Variants in SNX29 observed in about 807,000 individuals in gnomAD.
The protein encoded by SNX29 is sorting nexin 29.
In SNX29, 78 loss-of-function variants were observed where a neutral mutation model predicts 102.1. The observed-to-expected ratio is 0.76, with a 90% confidence interval of 0.64 to 0.92. The LOEUF (loss-of-function observed/expected upper bound fraction) is 0.92. Ranked by LOEUF, SNX29 falls within the 40% of genes least tolerant of loss-of-function variation. The pLI is 0.00. For synonymous variants in SNX29, 580 were observed against 414.5 expected, an observed-to-expected ratio of 1.40 and a Z score of -4.85; for missense variants, 1,280 against 1,061.7, an observed-to-expected ratio of 1.21 and a Z score of -2.86.
chr16:12,187,028 G>A lies in SNX29; in HGVS notation c.1596-12573G>A, dbSNP rs146464672. On this transcript the variant is annotated intron_variant, in intron 13 of 20. Coordinates refer to ENST00000566228, the MANE Select transcript of SNX29 (RefSeq NM_032167.5). ...TGTTTGAAAAATGAGTCAATCACTG[G>A]TTAAAGACCTGATGGGTCCCGGAGG... Among the ~76,000 whole-genome samples the A allele has an allele frequency of 9.9e-3, 1,514 of 152,326 alleles. 78 individuals are homozygous for A. Among genetic ancestry groups the A allele is most frequent in the Admixed American group, 0.087 (1,337 of 15,300 alleles).
chr16:12,043,309 G>T (rs1414242219), intron 5 of SNX29, among the ~76,000 whole-genome samples: 2 of 152,158 alleles, frequency 1.3e-5, no homozygotes, highest in Non-Finnish European at 2.9e-5. Context: ...GCTTGGATGT[G>T]GAGAGAGCTG....
chr16:12,127,561 A>C (rs2054272722), intron 12 of SNX29, among the ~76,000 whole-genome samples: 1 of 151,904 alleles, frequency 6.6e-6, no homozygotes, highest in Non-Finnish European at 1.5e-5. Flanking sequence ...GGCTGAGACT[A>C]CAGGCGCATG....
At chr16:12,534,046 C>T (rs1005500971) in intron 20 of SNX29, among the ~76,000 whole-genome samples, 5 of 152,220 alleles carry the variant, frequency 3.3e-5, no homozygotes, top group African/African-American at 1.2e-4. Context: ...GTCTGTTTAA[C>T]ATGTGAAGCA....
chr16:12,491,280 G>T (rs1011347311), intron 19 of SNX29, among the ~76,000 whole-genome samples: 2 of 152,226 alleles, frequency 1.3e-5, no homozygotes, highest in African/African-American at 4.8e-5. Context: ...TCTAGGTTGT[G>T]TGCCCATGAA....
chr16:12,554,514 G>A (rs535328782), intron 20 of SNX29, among the ~76,000 whole-genome samples: 2 of 152,314 alleles, frequency 1.3e-5, no homozygotes, highest in African/African-American at 2.4e-5. Flanking sequence ...GCAGCAGGAT[G>A]CTGCATTGAA....
chr16:12,524,960 G>T, intron 20 of SNX29, 119 bp downstream of exon 20: 1 of 1,428,866 alleles, frequency 7.0e-7, no homozygotes, highest in Non-Finnish European at 9.5e-7. Flanking sequence ...ATGGGACCCA[G>T]GCGAACTCCA....
At chr16:12,527,136 C>T (rs1175874764) in intron 20 of SNX29, 1 of 504,716 alleles carries the variant, frequency 2.0e-6, no homozygotes, top group South Asian at 1.6e-5. Context: ...GTTCCAAATC[C>T]CACAGCCCCC....
At chr16:12,091,638 A>G (rs932791958) in intron 11 of SNX29, among the ~76,000 whole-genome samples, 1 of 152,032 alleles carries the variant, frequency 6.6e-6, no homozygotes, top group Non-Finnish European at 1.5e-5. Context: ...CACAAAAATT[A>G]GACTTGGTGG....
chr16:12,291,903 G>C (rs1567404826), intron 15 of SNX29, among the ~76,000 whole-genome samples: 1 of 152,246 alleles, frequency 6.6e-6, no homozygotes, highest in Non-Finnish European at 1.5e-5. Context: ...GTGAGAGCCA[G>C]ATCAGTGGAT....
chr16:12,422,334 C>G (rs1374346693), intron 18 of SNX29, among the ~76,000 whole-genome samples: 2 of 152,194 alleles, frequency 1.3e-5, no homozygotes, highest in Non-Finnish European at 1.5e-5. Context: ...ATGAAAGGCT[C>G]AGTAAATAGC....
At chr16:12,317,690 C>T (rs911829148) in intron 15 of SNX29, among the ~76,000 whole-genome samples, 2 of 152,140 alleles carry the variant, frequency 1.3e-5, no homozygotes, top group East Asian at 1.9e-4. Context: ...TCTTATGCAC[C>T]GTCTTGTGCC....
At chr16:12,560,200 G>A (rs992323914) in intron 20 of SNX29, among the ~76,000 whole-genome samples, 6 of 135,206 alleles carry the variant, frequency 4.4e-5, no homozygotes, top group Admixed American at 3.6e-4. Context: ...ACTTGTGCTT[G>A]TAGAAGAGCA....
intron 16 of SNX29, among the ~76,000 whole-genome samples, chr16:12,379,274 C>A (rs1430499671): frequency 2.0e-5 from 3 of 152,200 alleles, no homozygotes; most frequent in African/African-American, 7.2e-5. Flanking sequence ...ATAGCTGTGA[C>A]CATGCCTGGC....
intron 17 of SNX29, among the ~76,000 whole-genome samples, chr16:12,400,519 C>T (rs1467625949): frequency 6.6e-6 from 1 of 152,186 alleles, no homozygotes; most frequent in African/African-American, 2.4e-5. Flanking sequence ...CTGCCTGAAG[C>T]ACCTTTCTCA....
intron 20 of SNX29, among the ~76,000 whole-genome samples, chr16:12,540,320 C>T (rs892364395): frequency 6.6e-6 from 1 of 152,138 alleles, no homozygotes; most frequent in Non-Finnish European, 1.5e-5. Context: ...CTCTTGGGAC[C>T]ACAGCTCTTA....
intron 14 of SNX29, among the ~76,000 whole-genome samples, chr16:12,273,961 C>G (rs570000297): frequency 2.0e-5 from 3 of 152,214 alleles, no homozygotes; most frequent in East Asian, 3.8e-4. Flanking sequence ...CATGGCTAGA[C>G]CGCATCTTGT....
At chr16:12,274,823 C>T (rs1455554968) in intron 14 of SNX29, among the ~76,000 whole-genome samples, 1 of 152,130 alleles carries the variant, frequency 6.6e-6, no homozygotes, top group Non-Finnish European at 1.5e-5. Flanking sequence ...AGTCCCTGTT[C>T]TATTTCTGCT....
intron 19 of SNX29, among the ~76,000 whole-genome samples, chr16:12,517,413 C>G (rs932642642): frequency 2.6e-5 from 4 of 152,222 alleles, no homozygotes; most frequent in Admixed American, 2.6e-4. Flanking sequence ...TCTTCACTCA[C>G]TTGCTCCCTG....
intron 15 of SNX29, among the ~76,000 whole-genome samples, chr16:12,322,745 ACT>A (rs2080980737): frequency 6.6e-6 from 1 of 150,760 alleles, no homozygotes; most frequent in African/African-American, 2.4e-5. Context: ...GGATGCAGTC[ACT>A]GGAGTTACTG....
Sources: allele counts gnomAD v4.1 joint callset (sites outside exome capture counted in the v4.1 genomes callset), GRCh38; gene constraint gnomAD v4.1.1; transcripts MANE v1.5; gene names NCBI Gene and HGNC (gene_info 2026-07-23, HGNC 2026-07-21).